Variants in RAP1GDS1 observed in about 807,000 individuals in gnomAD.
RAP1GDS1 encodes the protein RAP1, GTP-GDP dissociation stimulator 1.
A neutral mutation model predicts 71.1 loss-of-function variants in RAP1GDS1; 35 were observed. The ratio of observed to expected loss-of-function variants is 0.49; its 90% CI spans 0.38 to 0.65. The LOEUF is 0.65. Ranked by LOEUF, RAP1GDS1 falls within the 30% of genes least tolerant of loss-of-function variation. The pLI, the probability that RAP1GDS1 is intolerant of heterozygous loss-of-function variation, is 0.00. For missense variants in RAP1GDS1, 663 were observed against 706.1 expected, an observed-to-expected ratio of 0.94 and a Z score of 0.69; for synonymous variants, 229 against 243.1, an observed-to-expected ratio of 0.94 and a Z score of 0.54.
intron 4 of RAP1GDS1, among the ~76,000 whole-genome samples, chr4:98,364,819 G>A (rs1435498732): frequency 6.6e-6 from 1 of 151,914 alleles, no homozygotes; most frequent in Non-Finnish European, 1.5e-5. Context: ...CTGGAGTCCA[G>A]GAGTTCAAGA....
chr4:98,341,560 C>T (rs1031198821), intron 2 of RAP1GDS1, among the ~76,000 whole-genome samples: 2 of 152,206 alleles, frequency 1.3e-5, no homozygotes, highest in African/African-American at 4.8e-5. Flanking sequence ...ATGCCAGACT[C>T]TTGCTGTCAT....
At position 98,365,556 on chromosome 4, in the gene RAP1GDS1, G is replaced by A. The variant is rs142984466; in HGVS notation, c.361+12955G>A. The stretch of plus-strand genomic sequence containing the variant: ...GAGGATCGCTTGAGCCTGGGAGATC[G>A]AGGCTGCAGTGAGTGGAGATTGTGC... On this transcript the variant is annotated intron_variant, in intron 4 of 14. Transcript: ENST00000408927. 1.7e-3 allele frequency among the ~76,000 whole-genome samples: 251 copies of A among 151,924 alleles called. 1 individual carries two copies. The highest frequency in any genetic ancestry group is 5.7e-3 in the African/African-American group (235 of 41,438).
intron 2 of RAP1GDS1, among the ~76,000 whole-genome samples, chr4:98,295,405 A>T (rs778672625): frequency 1.7e-4 from 26 of 152,104 alleles, no homozygotes; most frequent in Non-Finnish European, 2.8e-4. Context: ...CAAGCCTAAG[A>T]CTACTGACAA....
chr4:98,324,649 T>C (rs1732636095), intron 2 of RAP1GDS1, among the ~76,000 whole-genome samples: 2 of 144,464 alleles, frequency 1.4e-5, no homozygotes, highest in Admixed American at 1.4e-4. Flanking sequence ...TTGACAAACC[T>C]GAGAAAAACA....
chr4:98,418,900 A>C (rs1439221129), intron 10 of RAP1GDS1, 109 bp downstream of exon 10: 29 of 1,124,590 alleles, frequency 2.6e-5, no homozygotes, highest in Non-Finnish European at 3.4e-5. Context: ...AAAATTTAAA[A>C]AAAAATAGTC....
intron 12 of RAP1GDS1, among the ~76,000 whole-genome samples, chr4:98,432,782 T>C (rs895807863): frequency 3.9e-5 from 6 of 152,186 alleles, no homozygotes; most frequent in Admixed American, 3.3e-4. Flanking sequence ...GAGAAAATTA[T>C]TTTTAAAATA....
intron 2 of RAP1GDS1, among the ~76,000 whole-genome samples, chr4:98,340,601 T>C (rs1735355755): frequency 6.6e-6 from 1 of 151,738 alleles, no homozygotes; most frequent in Non-Finnish European, 1.5e-5. Flanking sequence ...ATACAAAAAT[T>C]AGCTAGGCAT....
At chr4:98,368,212 T>C (rs1326775153) in intron 4 of RAP1GDS1, among the ~76,000 whole-genome samples, 1 of 152,152 alleles carries the variant, frequency 6.6e-6, no homozygotes, top group Non-Finnish European at 1.5e-5. Context: ...CTGCCATCCA[T>C]GTAAGATGTG....
At chr4:98,361,955 T>C (rs1053354479) in intron 4 of RAP1GDS1, among the ~76,000 whole-genome samples, 3 of 152,244 alleles carry the variant, frequency 2.0e-5, no homozygotes, top group Admixed American at 1.3e-4. Context: ...TTTGCTTTTA[T>C]ATCTAGTCTT....
intron 7 of RAP1GDS1, among the ~76,000 whole-genome samples, chr4:98,415,658 T>A (rs993005353): frequency 1.3e-5 from 2 of 152,158 alleles, no homozygotes; most frequent in African/African-American, 4.8e-5. Context: ...TAATAAAAAG[T>A]GTTGATGTGG....
intron 5 of RAP1GDS1, among the ~76,000 whole-genome samples, chr4:98,380,888 T>C (rs1447832813): frequency 6.6e-6 from 1 of 151,670 alleles, no homozygotes; most frequent in Non-Finnish European, 1.5e-5. Context: ...GTTAGTTCTT[T>C]GAGGAAGCTG....
chr4:98,433,842 C>T lies in RAP1GDS1; in HGVS notation c.1441-94C>T, dbSNP rs370399943. On this transcript the variant is annotated intron_variant, in intron 12 of 14. Transcript: ENST00000408927. ...TCAAATGATTCATACAGGACACTGT[C>T]GCAAAACCACTCAACAATGAGTTGA... The T allele has an allele frequency of 3.1e-5, 39 of 1,272,012 alleles. No individual in the cohort carries two copies. The Middle Eastern group carries it at 7.4e-4, about 24-fold the overall frequency. The allele number at this position is 1,272,012 out of a possible 1,614,324, so 78.8% of individuals were successfully genotyped here. A position where few individuals can be genotyped will look rare whatever the true frequency, so the allele number is the denominator to read the frequency against.
intron 5 of RAP1GDS1, among the ~76,000 whole-genome samples, chr4:98,387,165 T>C (rs1470252884): frequency 6.6e-6 from 1 of 152,220 alleles, no homozygotes; most frequent in East Asian, 1.9e-4. Flanking sequence ...ACAGACTGTA[T>C]TTTGAATTGT....
At chr4:98,394,437 CT>C (rs999345319) in intron 6 of RAP1GDS1, among the ~76,000 whole-genome samples, 1 of 151,114 alleles carries the variant, frequency 6.6e-6, no homozygotes, top group Admixed American at 6.6e-5. Context: ...TTACAGGAGT[CT>C]TTTTTTTTAA....
chr4:98,352,396 G>A (rs767822852), intron 3 of RAP1GDS1, 80 bp from the exon 4 acceptor site: 37 of 1,449,314 alleles, frequency 2.6e-5, no homozygotes, highest in Middle Eastern at 2.0e-4. Flanking sequence ...TTAAAAGTAG[G>A]TATTTATTTT....
At chr4:98,351,138 A>G (rs766014826) in intron 3 of RAP1GDS1, among the ~76,000 whole-genome samples, 5 of 152,180 alleles carry the variant, frequency 3.3e-5, no homozygotes, top group Non-Finnish European at 7.3e-5. Flanking sequence ...AGCATAATTC[A>G]TTTTCTTAAC....
intron 1 of RAP1GDS1, among the ~76,000 whole-genome samples, chr4:98,284,957 C>T (rs2110261488): frequency 6.6e-6 from 1 of 152,242 alleles, no homozygotes; most frequent in South Asian, 2.1e-4. Context: ...TCCCAGTCAC[C>T]CCTAGCCTTT....
chr4:98,431,628 A>G (rs1269985524), intron 12 of RAP1GDS1, among the ~76,000 whole-genome samples: 1 of 152,184 alleles, frequency 6.6e-6, no homozygotes, highest in Non-Finnish European at 1.5e-5. Flanking sequence ...CCACTTATTT[A>G]TTGTCTGAAC....
intron 12 of RAP1GDS1, among the ~76,000 whole-genome samples, chr4:98,427,404 C>T (rs1252407356): frequency 2.0e-5 from 3 of 152,122 alleles, no homozygotes; most frequent in East Asian, 1.9e-4. Flanking sequence ...TCATCCACAT[C>T]GGTAAAGAGG....
Sources: allele counts gnomAD v4.1 joint callset (sites outside exome capture counted in the v4.1 genomes callset), GRCh38; gene constraint gnomAD v4.1.1; transcripts MANE v1.5; gene names NCBI Gene and HGNC (gene_info 2026-07-23, HGNC 2026-07-21).